Variants in ERCC2 observed in about 807,000 individuals in gnomAD.
ERCC2 encodes the protein ERCC excision repair 2, TFIIH core complex helicase subunit.
A neutral mutation model predicts 99.4 loss-of-function variants in ERCC2; 90 were observed. The observed-to-expected ratio is 0.91, with a 90% CI of 0.76 to 1.08. ERCC2 has a LOEUF of 1.08. Among genes scored for constraint, ERCC2 ranks in the 50% least tolerant of loss-of-function variants. The pLI, the probability that ERCC2 is intolerant of heterozygous loss-of-function variation, is 0.00. For missense variants in ERCC2, 993 were observed against 1,038.1 expected, an observed-to-expected ratio of 0.96 and a Z score of 0.60; for synonymous variants, 497 against 432.4, an observed-to-expected ratio of 1.15 and a Z score of -1.85.
In ERCC2 at chr19:45,353,069, C is replaced by T; in HGVS notation, c.1831+14G>A. 1 of 1,610,654 alleles carries T rather than the reference C, an allele frequency of 6.2e-7. No individual in the cohort carries two copies. Among genetic ancestry groups the T allele is most frequent in the African/African-American group, 1.3e-5 (1 of 74,900 alleles). Reference sequence around the variant, plus strand: ...TGGGAAGACACCTGGGGAGGAAGAGCCCAGTCCACTCACCAAAGTCGATTC... The same window carrying T: ...TGGGAAGACACCTGGGGAGGAAGAGTCCAGTCCACTCACCAAAGTCGATTC... On this transcript the variant is annotated intron_variant, in intron 19 of 22. Coordinates refer to ENST00000391945, the MANE Select transcript of ERCC2 (RefSeq NM_000400.4).
At chr19:45,368,590 ACCTCTG>A in intron 5 of ERCC2, 34 bp downstream of exon 5, 1 of 1,369,362 alleles carries the variant, frequency 7.3e-7, no homozygotes, top group Non-Finnish European at 1.0e-6. Context: ...AGTTTTCTCT[ACCTCTG>A]GGCTAAGGGC....
chr19:45,352,983 T>C (rs533316468), intron 19 of ERCC2, 100 bp downstream of exon 19: 1 of 1,354,084 alleles, frequency 7.4e-7, no homozygotes, highest in East Asian at 2.3e-5. Context: ...GCACCTAGGC[T>C]GGGGGTGGGT....
In ERCC2 at chr19:45,350,790, A is replaced by C; in HGVS notation, c.*839T>G. 6.5e-7 allele frequency: 1 copy of C among 1,547,052 alleles called. No individual in the cohort carries two copies. The highest frequency in any genetic ancestry group is 1.2e-5 in the South Asian group (1 of 85,816). On this transcript the variant is annotated 3_prime_UTR_variant, in exon 23 of 23. Transcript: ENST00000391945. ...CGGCAAAGAGCCCTGACATCAGCAG[A>C]ATCCACAGCCCACCCCACCCCCACC...
In ERCC2 at chr19:45,353,242, C is replaced by T. The variant is rs764329577; in HGVS notation, c.1758G>A (p.Glu586=). 6.8e-6 allele frequency: 11 copies of T among 1,613,718 alleles called. No homozygotes were observed. The highest frequency in any genetic ancestry group is 1.3e-5 in the African/African-American group (1 of 74,874). ...ETSVALEKYQ[E]ACENGRGAIL... is the part of the protein sequence containing the mutation. Reference sequence around the variant, plus strand: ...CTCCACGCTGGCCTCGCACACCCACCTCCTGGTACTTCTCCAGGGCGACAC... The same window carrying T: ...CTCCACGCTGGCCTCGCACACCCACTTCCTGGTACTTCTCCAGGGCGACAC... Residue 586 remains glutamate (E), a splice_region_variant and synonymous_variant, in exon 18 of 23, where the codon GAG becomes GAA. Transcript: ENST00000391945.
At chr19:45,359,127 C>A (rs1344394473) in intron 12 of ERCC2, among the ~76,000 whole-genome samples, 1 of 151,876 alleles carries the variant, frequency 6.6e-6, no homozygotes, top group Non-Finnish European at 1.5e-5. Flanking sequence ...AGAGGAGGGG[C>A]CTGACTCAGC....
Position 45,351,655 on chromosome 19 carries a change from T to C in ERCC2, c.2257A>G (p.Ile753Val). 1 of 1,614,088 alleles carries C rather than the reference T, an allele frequency of 6.2e-7. No individual in the cohort carries two copies. Among genetic ancestry groups the C allele is most frequent in the South Asian group, 1.1e-5 (1 of 91,088 alleles). ...CAGAGCTGCTGAGCAATCTGCTCTA[T>C]CCTCTTCAGCGTCTCCTCTGATTCT... ...QLESEETLKR[I>V]EQIAQQL The change falls in exon 23 of 23, where the codon ATA (isoleucine) becomes GTA (valine). Residue 753 changes from isoleucine to valine, a missense_variant. This residue lies in a region of ERCC2 where 909 missense variants were observed against 930.8 expected (regional missense o/e 0.98). Transcript: ENST00000391945.
intron 5 of ERCC2, among the ~76,000 whole-genome samples, chr19:45,366,661 T>C (rs879306682): frequency 6.6e-6 from 1 of 152,136 alleles, no homozygotes; most frequent in Non-Finnish European, 1.5e-5. Context: ...ACAAATCCTT[T>C]TCCTACGCCA....
intron 12 of ERCC2, chr19:45,357,909 T>C (rs1246864776): frequency 1.6e-6 from 1 of 611,588 alleles, no homozygotes; most frequent in Non-Finnish European, 3.0e-6. Flanking sequence ...GGCCCACACC[T>C]GTGCAAACTT....
Position 45,364,406 on chromosome 19 carries a change from C to T in ERCC2, c.718+18G>A, listed in dbSNP as rs756758783. The T allele has an allele frequency of 6.2e-7, 1 of 1,613,854 alleles. No homozygotes were observed. Among genetic ancestry groups the T allele is most frequent in the South Asian group, 1.1e-5 (1 of 91,082 alleles). On this transcript the variant is annotated intron_variant, in intron 8 of 22. Coordinates refer to ENST00000391945, the MANE Select transcript of ERCC2 (RefSeq NM_000400.4). ...TCAGAGGGGCTGGCATCCCTTTGGCCCCTGGCGCCCCCCTCACCAATGTTG... is the reference window on the plus strand; with the variant it reads ...TCAGAGGGGCTGGCATCCCTTTGGCTCCTGGCGCCCCCCTCACCAATGTTG...
chr19:45,350,298 G>C lies in ERCC2; in HGVS notation c.*1331C>G, dbSNP rs1971667243. On this transcript the variant is annotated 3_prime_UTR_variant, in exon 23 of 23. Transcript: ENST00000391945. ...AAGGCGGGACTGGATGCAGTGTTGG[G>C]AACTGGGGTCCGAAAAGTTCCCAGA... is the stretch of plus-strand genomic sequence containing the variant. 2.0e-6 allele frequency: 3 copies of C among 1,495,030 alleles called. No homozygotes were observed. The African/African-American group carries it at 4.2e-5, about 21-fold the overall frequency. 92.6% of individuals were successfully genotyped at this position (1,495,030 alleles called of 1,614,324 possible).
intron 5 of ERCC2, among the ~76,000 whole-genome samples, chr19:45,367,035 C>A (rs556187337): frequency 6.6e-6 from 1 of 151,524 alleles, no homozygotes; most frequent in Non-Finnish European, 1.5e-5. Flanking sequence ...AACTCCATTT[C>A]AAAAATAATA....
chr19:45,354,004 G>A (rs73574311), intron 17 of ERCC2, among the ~76,000 whole-genome samples: 2,680 of 152,282 alleles, frequency 0.018, 75 homozygotes, highest in African/African-American at 0.06. Context: ...CACCTTTCCC[G>A]CCGCGTGGAA....
intron 4 of ERCC2, 52 bp from the exon 5 acceptor site, chr19:45,368,795 C>T (rs1354579099): frequency 1.9e-6 from 3 of 1,557,008 alleles, no homozygotes; most frequent in Non-Finnish European, 2.6e-6. Context: ...GAGGCACAAA[C>T]CCCTGCCCTG....
At position 45,350,489 on chromosome 19, in the gene ERCC2, C is replaced by T; in HGVS notation, c.*1140G>A. Reference sequence around the variant, plus strand: ...TGGTGGCTTCTCTATGTCCCCATCTCAGTGTCCCCCATCTTTCCCCCTAGG... The same window carrying T: ...TGGTGGCTTCTCTATGTCCCCATCTTAGTGTCCCCCATCTTTCCCCCTAGG... On this transcript the variant is annotated 3_prime_UTR_variant, in exon 23 of 23. Transcript: ENST00000391945. The T allele has an allele frequency of 6.2e-7, 1 of 1,613,752 alleles. No individual in the cohort carries two copies. Among genetic ancestry groups the T allele is most frequent in the Non-Finnish European group, 8.5e-7 (1 of 1,179,770 alleles).
chr19:45,358,511 C>A, intron 12 of ERCC2: 1 of 361,246 alleles, frequency 2.8e-6, no homozygotes, highest in Non-Finnish European at 5.2e-6. Flanking sequence ...CTGAGTCCAG[C>A]CATGTCACCT....
chr19:45,360,804 C>T lies in ERCC2; in HGVS notation c.1237+720G>A, dbSNP rs182062822. On this transcript the variant is annotated intron_variant, in intron 12 of 22. Coordinates refer to ENST00000391945, the MANE Select transcript of ERCC2 (RefSeq NM_000400.4). The stretch of plus-strand genomic sequence containing the variant: ...AAAGTGCTGGGATTACAGGCATGAG[C>T]CACTGCGTTCAGCACCCAGAAGAAA... Among the ~76,000 whole-genome samples, 18 of 152,206 alleles carry T rather than the reference C, an allele frequency of 1.2e-4. No homozygotes were observed. The East Asian group carries it at 3.5e-3, about 30-fold the overall frequency.
chr19:45,368,881 G>A (rs753282459), intron 4 of ERCC2, 49 bp downstream of exon 4: 7 of 1,603,266 alleles, frequency 4.4e-6, no homozygotes, highest in Middle Eastern at 1.7e-4. Flanking sequence ...GGGACCAATA[G>A]GGCCTAGGGA....
chr19:45,350,425 C>G lies in ERCC2; in HGVS notation c.*1204G>C, dbSNP rs754022878. ...CCTCCACAAGGAGGACCTACCCGCC[C>G]CTCTCGGTGAGCCCCTAGCCCCTGT... On this transcript the variant is annotated 3_prime_UTR_variant, in exon 23 of 23. Coordinates refer to ENST00000391945, the MANE Select transcript of ERCC2 (RefSeq NM_000400.4). The G allele has an allele frequency of 3.7e-6, 6 of 1,613,596 alleles. No homozygotes were observed. The Admixed American group carries it at 8.3e-5, about 22-fold the overall frequency.
intron 13 of ERCC2, 41 bp downstream of exon 13, chr19:45,357,589 G>A (rs768748916): frequency 3.8e-5 from 61 of 1,613,332 alleles, no homozygotes; most frequent in Middle Eastern, 1.6e-4. Flanking sequence ...CTGGGCCCCC[G>A]ACCCACAGAG....
Sources: allele counts gnomAD v4.1 joint callset (sites outside exome capture counted in the v4.1 genomes callset), GRCh38; gene constraint gnomAD v4.1.1; regional missense constraint gnomAD v4.1.1; transcripts MANE v1.5; gene names NCBI Gene and HGNC (gene_info 2026-07-23, HGNC 2026-07-21).